The following PADI4 variants were observed in gnomAD, a reference collection of about 807,000 sequenced individuals.
PADI4 encodes the protein protein-arginine deiminase type-4.
A neutral mutation model predicts 75.0 loss-of-function variants in PADI4; 62 were observed. The ratio of observed to expected loss-of-function variants is 0.83; its 90% CI spans 0.67 to 1.02. The LOEUF (loss-of-function observed/expected upper bound fraction) is 1.02, where lower values mean the gene tolerates loss of function less well. Ranked by LOEUF, PADI4 falls within the 50% of genes least tolerant of loss-of-function variation. PADI4 has a pLI of 0.00. For missense variants in PADI4, 845 were observed against 850.5 expected (o/e 0.99, Z 0.08); for synonymous variants, 361 against 348.1 (o/e 1.04, Z -0.41).
At chr1:17,331,326 G>A (rs1381744770) in intron 2 of PADI4, among the ~76,000 whole-genome samples, 177 bp downstream of exon 2, 1 of 152,154 alleles carries the variant, frequency 6.6e-6, no homozygotes. Flanking sequence ...ACGGCTACCA[G>A]GGGTTCATGG....
chr1:17,363,571 G>C lies in PADI4; in HGVS notation c.1808G>C (p.Gly603Ala). The C allele has an allele frequency of 6.2e-7, 1 of 1,614,030 alleles. No individual in the cohort carries two copies. The highest frequency in any genetic ancestry group is 8.5e-7 in the Non-Finnish European group (1 of 1,179,962). Reference sequence around the variant, plus strand: ...CACCTGGGCATCCCCAAGCCCTTCGGGCCCGTCATCAACGGCCGCTGCTGC... The same window carrying C: ...CACCTGGGCATCCCCAAGCCCTTCGCGCCCGTCATCAACGGCCGCTGCTGC... ...GKHLGIPKPF[G>A]PVINGRCCLE... is the part of the protein sequence containing the mutation. The change falls in exon 16 of 16, where the codon GGG becomes GCG. Residue 603 changes from glycine to alanine, a missense_variant. Gly to Ala is a moderately conservative substitution (Grantham distance 60). Transcript: ENST00000375448.
At chr1:17,342,770 T>A (rs559624088) in intron 8 of PADI4, among the ~76,000 whole-genome samples, 1 of 151,776 alleles carries the variant, frequency 6.6e-6, no homozygotes, top group African/African-American at 2.4e-5. Flanking sequence ...AGGTCAGAAG[T>A]TTGAGATCAG....
At chr1:17,361,997 G>A (rs964369944) in intron 15 of PADI4, among the ~76,000 whole-genome samples, 4 of 152,154 alleles carry the variant, frequency 2.6e-5, no homozygotes, top group Non-Finnish European at 4.4e-5. Flanking sequence ...TGCCATCTGA[G>A]CTGGGCCCTG....
At chr1:17,353,639 C>A (rs567890357) in intron 10 of PADI4, among the ~76,000 whole-genome samples, 35 of 152,198 alleles carry the variant, frequency 2.3e-4, no homozygotes, top group Admixed American at 1.8e-3. Context: ...CTAGTCCCCC[C>A]GAACCTGATG....
At chr1:17,315,056 G>A (rs918675344) in intron 1 of PADI4, among the ~76,000 whole-genome samples, 2 of 152,230 alleles carry the variant, frequency 1.3e-5, no homozygotes, top group East Asian at 1.9e-4. Flanking sequence ...CTGGGAGCAG[G>A]TGGGAAAGCC....
chr1:17,351,987 GAGGCAGTCAGGGAGGTGAT>G (rs2074645699), intron 10 of PADI4, among the ~76,000 whole-genome samples: 3 of 39,496 alleles, frequency 7.6e-5, no homozygotes, highest in South Asian at 8.4e-4. Flanking sequence ...GATGGGAGGA[GAGGCAGTCAGGGAGGTGAT>G]GGGAGGAGAG....
intron 2 of PADI4, among the ~76,000 whole-genome samples, chr1:17,332,558 C>G (rs142229950): frequency 9.2e-5 from 14 of 152,258 alleles, no homozygotes; most frequent in African/African-American, 3.4e-4. Context: ...TCTCAAGATC[C>G]TCAACTTAGA....
chr1:17,310,048 G>A (rs925372262), intron 1 of PADI4, among the ~76,000 whole-genome samples: 3 of 152,180 alleles, frequency 2.0e-5, no homozygotes, highest in Admixed American at 6.5e-5. Context: ...TGGGGACTCC[G>A]GAGTTCACAG....
At chr1:17,309,011 G>C (rs978788663) in intron 1 of PADI4, among the ~76,000 whole-genome samples, 2 of 152,146 alleles carry the variant, frequency 1.3e-5, no homozygotes, top group African/African-American at 4.8e-5. Context: ...TGAGTGCCAT[G>C]CTCTGTGGCA....
intron 10 of PADI4, among the ~76,000 whole-genome samples, chr1:17,353,843 T>C (rs1015026381): frequency 7.2e-5 from 11 of 152,098 alleles, no homozygotes; most frequent in African/African-American, 2.2e-4. Flanking sequence ...CACGGAAATA[T>C]AATAGATTCT....
intron 1 of PADI4, among the ~76,000 whole-genome samples, chr1:17,325,784 C>G (rs1194118385): frequency 6.6e-6 from 1 of 151,894 alleles, no homozygotes; most frequent in African/African-American, 2.4e-5. Context: ...TCTTGACTCA[C>G]TGCAACCTCT....
rs2074347692 is a variant in PADI4, at chr1:17,338,044, T to C, written c.415T>C (p.Trp139Arg). ...CTTCCCTGCTGGTGTCCAGAGGACC[T>C]GGACCTGGGGCCCTTGTGGACAGGG... Reference protein sequence around the residue: ...PTRAVKDQRTWTWGPCGQGAI... With the variant: ...PTRAVKDQRTRTWGPCGQGAI... Residue 139 changes from tryptophan to arginine, a missense_variant, in exon 5 of 16, where the codon TGG becomes CGG. By Grantham distance (101) the Trp-to-Arg change is moderately radical. Transcript: ENST00000375448. 3 of 1,610,072 alleles carry C rather than the reference T, an allele frequency of 1.9e-6. No homozygotes were observed. Among genetic ancestry groups the C allele is most frequent in the Non-Finnish European group, 2.6e-6 (3 of 1,176,458 alleles).
chr1:17,335,166 T>C (rs1342330819), intron 3 of PADI4, among the ~76,000 whole-genome samples: 4 of 151,564 alleles, frequency 2.6e-5, no homozygotes, highest in East Asian at 1.9e-4. Context: ...TACACACACA[T>C]ATATATATAA....
chr1:17,317,643 A>T (rs1304057655), intron 1 of PADI4, among the ~76,000 whole-genome samples: 1 of 152,192 alleles, frequency 6.6e-6, no homozygotes, highest in African/African-American at 2.4e-5. Flanking sequence ...AATCAGGGTA[A>T]TTCAGCAAAC....
rs1635566 is a variant in PADI4 at position 17,356,662 on chromosome 1, A to G, written c.1558+203A>G. ...TGGGCTCACAGGCCAGGGGGAAGTGAGTCAAAAGAACAGCTCCAACACAGG... is the reference window on the plus strand; with the variant it reads ...TGGGCTCACAGGCCAGGGGGAAGTGGGTCAAAAGAACAGCTCCAACACAGG... On this transcript the variant is annotated intron_variant, in intron 13 of 15. Transcript: ENST00000375448. This position sits in a 1 kb window ranked among gnomAD's most constrained non-coding sequence, Gnocchi z 4.1. Among the ~76,000 whole-genome samples, 106,752 of 152,040 alleles carry G rather than the reference A, an allele frequency of 0.7. 37,697 individuals are homozygous for G. The highest frequency in any genetic ancestry group is 0.79 in the East Asian group (4,053 of 5,148).
intron 1 of PADI4, among the ~76,000 whole-genome samples, chr1:17,314,306 G>A (rs1303112094): frequency 1.3e-5 from 2 of 152,334 alleles, no homozygotes; most frequent in African/African-American, 2.4e-5. Flanking sequence ...TTATCACTGA[G>A]GCTTTGAGAG....
chr1:17,338,820 G>C (rs2074363713), intron 5 of PADI4, among the ~76,000 whole-genome samples: 1 of 152,190 alleles, frequency 6.6e-6, no homozygotes, highest in Non-Finnish European at 1.5e-5. Flanking sequence ...CTGGAGGAAG[G>C]TGCTAAGGGG....
In PADI4 at chr1:17,354,615, G is replaced by GC. The variant is rs2074728324; in HGVS notation, c.1244dup (p.Val416SerfsTer24). On this transcript the variant is annotated frameshift_variant, in exon 11 of 16. Coordinates refer to ENST00000375448, the MANE Select transcript of PADI4 (RefSeq NM_012387.3). LOFTEE classifies it high-confidence loss of function. ...GACTCCTTTGGGAACCTGGAAGTGA[G>GC]CCCCCCAGTCACAGTCAGGGGCAAG... 2 of 1,613,980 alleles carry GC rather than the reference G, an allele frequency of 1.2e-6. No individual in the cohort carries two copies. Among genetic ancestry groups the GC allele is most frequent in the East Asian group, 4.5e-5 (2 of 44,878 alleles).
rs368756799 is a variant in PADI4 at position 17,363,585 on chromosome 1, G to T, written c.1822G>T (p.Gly608Cys). The stretch of plus-strand genomic sequence containing the variant: ...CAAGCCCTTCGGGCCCGTCATCAAC[G>T]GCCGCTGCTGCCTGGAGGAGAAGGT... ...IPKPFGPVINGRCCLEEKVCS... is the reference protein window; with the variant it reads ...IPKPFGPVINCRCCLEEKVCS... Residue 608 changes from glycine to cysteine, a missense_variant, in exon 16 of 16, where the codon GGC becomes TGC. By Grantham distance (159) the Gly-to-Cys change is radical. Coordinates refer to ENST00000375448, the MANE Select transcript of PADI4 (RefSeq NM_012387.3). 2 of 1,613,972 alleles carry T rather than the reference G, an allele frequency of 1.2e-6. No homozygotes were observed. The highest frequency in any genetic ancestry group is 2.7e-5 in the African/African-American group (2 of 74,928).
Sources: allele counts gnomAD v4.1 joint callset (sites outside exome capture counted in the v4.1 genomes callset), GRCh38; gene constraint gnomAD v4.1.1; non-coding constraint Gnocchi (gnomAD v3.1); transcripts MANE v1.5; gene names NCBI Gene and HGNC (gene_info 2026-07-23, HGNC 2026-07-21).